PDE1C: variants seen among roughly 807,000 people sequenced by gnomAD.
PDE1C encodes phosphodiesterase 1C, also known as dual specificity calcium/calmodulin-dependent 3',5'-cyclic nucleotide phosphodiesterase 1C.
PDE1C carries 62 observed loss-of-function variants against 93.1 expected under a neutral mutation model. That is an observed-to-expected ratio of 0.67 (90% CI 0.54 to 0.82). PDE1C has a LOEUF of 0.82. Among genes scored for constraint, PDE1C ranks in the 40% least tolerant of loss-of-function variants. The pLI, the probability that PDE1C is intolerant of heterozygous loss-of-function variation, is 0.00. For missense variants in PDE1C, 742 were observed against 884.6 expected (o/e 0.84, Z 2.04); for synonymous variants, 325 against 310.1 (o/e 1.05, Z -0.50).
chr7:31,856,682 CTT>C (rs35316004), intron 7 of PDE1C, among the ~76,000 whole-genome samples: 590 of 120,996 alleles, frequency 4.9e-3, no homozygotes, highest in East Asian at 6.2e-3. Flanking sequence ...ATATAAGAGG[CTT>C]TTTTTTTTTT....
intron 3 of PDE1C, among the ~76,000 whole-genome samples, chr7:32,127,704 A>G (rs952653476): frequency 1.3e-5 from 2 of 152,132 alleles, no homozygotes; most frequent in Non-Finnish European, 2.9e-5. Flanking sequence ...AGAAATAAGC[A>G]TAACAAAAAT....
the PDE1C span, among the ~76,000 whole-genome samples, chr7:31,659,563 T>C: frequency 2.6e-5 from 4 of 152,230 alleles, no homozygotes; most frequent in African/African-American, 9.6e-5. Flanking sequence ...TTGCTATATA[T>C]GTAGACTTTT....
chr7:31,889,229 A>T (rs1388672174), intron 2 of PDE1C, among the ~76,000 whole-genome samples: 1 of 152,240 alleles, frequency 6.6e-6, no homozygotes, highest in Admixed American at 6.5e-5. Context: ...CCTACATATC[A>T]AGACTTATTA....
intron 1 of PDE1C, among the ~76,000 whole-genome samples, chr7:32,056,723 A>G (rs962342601): frequency 6.6e-6 from 1 of 152,206 alleles, no homozygotes; most frequent in African/African-American, 2.4e-5. Context: ...ATAAATAATA[A>G]TGGCATTATA....
chr7:31,856,922 C>T (rs903643887), intron 7 of PDE1C, among the ~76,000 whole-genome samples: 2 of 152,106 alleles, frequency 1.3e-5, no homozygotes, highest in African/African-American at 2.4e-5. Context: ...CTCCTGAGAC[C>T]TCTCTCCTTG....
the PDE1C span, among the ~76,000 whole-genome samples, chr7:31,670,859 C>T: frequency 6.6e-6 from 1 of 152,266 alleles, no homozygotes; most frequent in South Asian, 2.1e-4. Context: ...GATCCACTGG[C>T]AGCAGAGAGG....
the PDE1C span, among the ~76,000 whole-genome samples, chr7:31,645,282 A>G: frequency 5.9e-5 from 9 of 152,218 alleles, no homozygotes; most frequent in African/African-American, 2.2e-4. Flanking sequence ...TGGCCTTTCA[A>G]TGTATAGAAA....
At chr7:32,046,871 T>A (rs1277913638) in intron 2 of PDE1C, among the ~76,000 whole-genome samples, 1 of 152,152 alleles carries the variant, frequency 6.6e-6, no homozygotes, top group East Asian at 1.9e-4. Flanking sequence ...CTGGTATGGC[T>A]TTTTTAAGCC....
intron 2 of PDE1C, among the ~76,000 whole-genome samples, chr7:31,979,565 A>T (rs1245691807): frequency 6.6e-6 from 1 of 152,196 alleles, no homozygotes; most frequent in Non-Finnish European, 1.5e-5. Context: ...AAGGTCACAC[A>T]GCCAGTAAAT....
At chr7:32,120,715 T>C (rs113795926) in intron 3 of PDE1C, among the ~76,000 whole-genome samples, 2 of 151,756 alleles carry the variant, frequency 1.3e-5, no homozygotes, top group African/African-American at 4.8e-5. Flanking sequence ...AAAAACCCCA[T>C]CCAAGGTTCA....
At chr7:31,995,016 G>A (rs1024879765) in intron 2 of PDE1C, among the ~76,000 whole-genome samples, 2 of 152,192 alleles carry the variant, frequency 1.3e-5, no homozygotes, top group African/African-American at 4.8e-5. Flanking sequence ...GACTGACCAT[G>A]ATAATACTAA....
intron 3 of PDE1C, among the ~76,000 whole-genome samples, chr7:32,095,378 C>T (rs1031141757): frequency 4.6e-5 from 7 of 152,148 alleles, no homozygotes; most frequent in African/African-American, 1.2e-4. Context: ...CTTCCATGGC[C>T]GGACATGGAC....
chr7:31,707,212 T>C, the PDE1C span: 5 of 1,613,644 alleles, frequency 3.1e-6, no homozygotes, highest in Non-Finnish European at 4.2e-6. Flanking sequence ...AGGTGTGACA[T>C]TGCTCAGGGA....
chr7:32,147,138 T>A (rs1489330622), intron 3 of PDE1C, among the ~76,000 whole-genome samples: 1 of 151,090 alleles, frequency 6.6e-6, no homozygotes, highest in African/African-American at 2.4e-5. Context: ...TCAATCAGCA[T>A]ACGCTGACAT....
intron 1 of PDE1C, among the ~76,000 whole-genome samples, chr7:32,332,844 G>T (rs1783541649): frequency 6.6e-6 from 1 of 152,098 alleles, no homozygotes; most frequent in Admixed American, 6.5e-5. Context: ...AACTATTCTA[G>T]GATGATAAAA....
At chr7:31,970,277 C>T (rs1179902322) in intron 2 of PDE1C, among the ~76,000 whole-genome samples, 1 of 152,144 alleles carries the variant, frequency 6.6e-6, no homozygotes, top group Non-Finnish European at 1.5e-5. Flanking sequence ...AATATAAACA[C>T]AGATGCTTTA....
chr7:32,158,141 G>A (rs1353862426), intron 3 of PDE1C, among the ~76,000 whole-genome samples: 1 of 152,170 alleles, frequency 6.6e-6, no homozygotes, highest in Non-Finnish European at 1.5e-5. Context: ...GAATGAGAAT[G>A]TTAAACCAAT....
intron 13 of PDE1C, among the ~76,000 whole-genome samples, chr7:31,823,859 T>A (rs1789315904): frequency 6.6e-6 from 1 of 152,002 alleles, no homozygotes; most frequent in African/African-American, 2.4e-5. Context: ...TTCTGGAAAA[T>A]CTCAAAGAAG....
Position 32,042,128 on chromosome 7 carries a change from C to T in PDE1C, c.128+9426G>A, listed in dbSNP as rs147457688. ...CAGCCTGGCCAACATAGTAAAACCCCGTCTCTATTAAAAATACAAGAAGTA... is the reference window on the plus strand; with the variant it reads ...CAGCCTGGCCAACATAGTAAAACCCTGTCTCTATTAAAAATACAAGAAGTA... On this transcript the variant is annotated intron_variant, in intron 2 of 17. Transcript: ENST00000396191. 4.1e-3 allele frequency among the ~76,000 whole-genome samples: 625 copies of T among 152,152 alleles called. 3 individuals carry two copies. Among genetic ancestry groups the T allele is most frequent in the African/African-American group, 0.014 (594 of 41,524 alleles).
Sources: allele counts gnomAD v4.1 joint callset (sites outside exome capture counted in the v4.1 genomes callset), GRCh38; gene constraint gnomAD v4.1.1; transcripts MANE v1.5; gene names NCBI Gene and HGNC (gene_info 2026-07-23, HGNC 2026-07-21).